The following ADAMTS18 variants were observed in gnomAD, a reference collection of about 807,000 sequenced individuals.
ADAMTS18 encodes ADAM metallopeptidase with thrombospondin type 1 motif 18.
In ADAMTS18, 157 loss-of-function variants were observed where a neutral mutation model predicts 165.9. The observed-to-expected ratio is 0.95, with a 90% CI of 0.83 to 1.08. The LOEUF is 1.08. ADAMTS18 is among the 50% of genes least tolerant of loss of function. The probability of loss-of-function intolerance (pLI) is 0.00; values close to 1 mark genes in which losing one functional copy is unlikely to be tolerated. For missense variants in ADAMTS18, 2,040 were observed against 1,534.0 expected (o/e 1.33, Z -5.51); for synonymous variants, 782 against 578.2 (o/e 1.35, Z -5.06).
intron 3 of ADAMTS18, among the ~76,000 whole-genome samples, chr16:77,412,222 C>T (rs1020309444): frequency 6.6e-6 from 1 of 152,192 alleles, no homozygotes; most frequent in East Asian, 1.9e-4. Flanking sequence ...CCTTCTAACT[C>T]AGACTGTAAC....
chr16:77,388,915 C>A lies in ADAMTS18; in HGVS notation c.496-21192G>T, dbSNP rs564579210. On this transcript the variant is annotated intron_variant, in intron 3 of 22. Coordinates refer to ENST00000282849, the MANE Select transcript of ADAMTS18 (RefSeq NM_199355.4). ...TAATGTCCAAATGGTACTTTTGTGTCAAGGTAGCAACTTCTAATGAAGCTG... is the reference window on the plus strand; with the variant it reads ...TAATGTCCAAATGGTACTTTTGTGTAAAGGTAGCAACTTCTAATGAAGCTG... 1.8e-4 allele frequency among the ~76,000 whole-genome samples: 27 copies of A among 152,236 alleles called. 1 individual carries two copies. The highest frequency in any genetic ancestry group is 1.7e-3 in the South Asian group (8 of 4,826).
intron 11 of ADAMTS18, among the ~76,000 whole-genome samples, chr16:77,339,625 C>T (rs539036848): frequency 6.6e-6 from 1 of 151,334 alleles, no homozygotes; most frequent in East Asian, 1.9e-4. Flanking sequence ...CACTAATCCT[C>T]AAGTCACAAG....
At chr16:77,318,641 G>A (rs77960876) in intron 16 of ADAMTS18, among the ~76,000 whole-genome samples, 13,371 of 152,238 alleles carry the variant, frequency 0.088, 796 homozygotes, top group East Asian at 0.27. Flanking sequence ...TATTTGAGAA[G>A]AGAACAGTAA....
intron 10 of ADAMTS18, among the ~76,000 whole-genome samples, chr16:77,348,438 G>T (rs1316298013): frequency 1.3e-5 from 2 of 152,180 alleles, no homozygotes; most frequent in African/African-American, 4.8e-5. Flanking sequence ...AACCTCCAGG[G>T]TGGCAGAAGA....
chr16:77,374,685 A>G (rs2056924164), intron 3 of ADAMTS18, among the ~76,000 whole-genome samples: 1 of 152,180 alleles, frequency 6.6e-6, no homozygotes, highest in African/African-American at 2.4e-5. Context: ...GAAGCTTTCT[A>G]TTTTCTCCCT....
chr16:77,416,915 G>A lies in ADAMTS18; in HGVS notation c.495+14380C>T, dbSNP rs555837982. Among the ~76,000 whole-genome samples the A allele has an allele frequency of 1.9e-4, 29 of 152,228 alleles. 1 individual carries two copies. The highest frequency in any genetic ancestry group is 8.3e-4 in the South Asian group (4 of 4,814). ...AGTGGTAAGAAGTGGTCAGAATTGC[G>A]CATGTTTTTAACTGACCTGGGAGCA... On this transcript the variant is annotated intron_variant, in intron 3 of 22. Transcript: ENST00000282849.
chr16:77,418,235 A>T (rs1459485596), intron 3 of ADAMTS18, among the ~76,000 whole-genome samples: 2 of 152,204 alleles, frequency 1.3e-5, no homozygotes, highest in Non-Finnish European at 2.9e-5. Context: ...TACCTCAAAC[A>T]TAGATTACCT....
chr16:77,427,365 A>G (rs1308905557), intron 3 of ADAMTS18, among the ~76,000 whole-genome samples: 3 of 152,258 alleles, frequency 2.0e-5, no homozygotes, highest in Non-Finnish European at 4.4e-5. Flanking sequence ...ATTAAGAAAT[A>G]CAGGTAAAAA....
chr16:77,427,200 G>A (rs1399984847), intron 3 of ADAMTS18, among the ~76,000 whole-genome samples: 1 of 152,090 alleles, frequency 6.6e-6, no homozygotes, highest in Non-Finnish European at 1.5e-5. Flanking sequence ...CACATTTTCA[G>A]CCCTTCAAGT....
At chr16:77,368,767 A>T (rs910282933) in intron 3 of ADAMTS18, among the ~76,000 whole-genome samples, 1 of 152,206 alleles carries the variant, frequency 6.6e-6, no homozygotes, top group African/African-American at 2.4e-5. Flanking sequence ...CAAGGATGGC[A>T]GAGAAAGGCA....
At chr16:77,345,186 C>T (rs1348453695) in intron 10 of ADAMTS18, among the ~76,000 whole-genome samples, 1 of 152,134 alleles carries the variant, frequency 6.6e-6, no homozygotes, top group African/African-American at 2.4e-5. Flanking sequence ...CAAGTAAAAC[C>T]TGACATGCTG....
At chr16:77,292,993 G>A (rs776192641) in intron 20 of ADAMTS18, 83 bp downstream of exon 20, 2 of 1,573,656 alleles carry the variant, frequency 1.3e-6, no homozygotes, top group Non-Finnish European at 1.7e-6. Context: ...CTAATTTTTT[G>A]TATTTTTAGT....
intron 10 of ADAMTS18, among the ~76,000 whole-genome samples, chr16:77,342,088 C>T (rs1431914837): frequency 6.6e-6 from 1 of 152,128 alleles, no homozygotes; most frequent in Non-Finnish European, 1.5e-5. Flanking sequence ...TCTGGTTTCT[C>T]ATGATAGTGA....
Position 77,359,405 on chromosome 16 carries a change from C to G in ADAMTS18, c.1235G>C (p.Gly412Ala), listed in dbSNP as rs1007242190. Residue 412 changes from glycine (G) to alanine (A), a missense_variant, in exon 8 of 23, where the codon GGA (glycine) becomes GCA (alanine). Coordinates refer to ENST00000282849, the MANE Select transcript of ADAMTS18 (RefSeq NM_199355.4). ...ACAACTTCGGTACTTAGAGCACATT[C>G]CACTGATGGGGGCAAACCCTATTGA... ...CDTLGFAPISGMCSKYRSCTI... is the reference protein window; with the variant it reads ...CDTLGFAPISAMCSKYRSCTI... 3.1e-6 allele frequency: 5 copies of G among 1,613,764 alleles called. No homozygotes were observed. The highest frequency in any genetic ancestry group is 4.2e-6 in the Non-Finnish European group (5 of 1,179,976).
intron 16 of ADAMTS18, among the ~76,000 whole-genome samples, chr16:77,303,478 T>C (rs945882179): frequency 6.6e-6 from 1 of 152,234 alleles, no homozygotes; most frequent in Non-Finnish European, 1.5e-5. Context: ...CATTTTAGAC[T>C]TCTCTTTTTC....
At chr16:77,384,107 G>T (rs1433139349) in intron 3 of ADAMTS18, among the ~76,000 whole-genome samples, 2 of 152,048 alleles carry the variant, frequency 1.3e-5, no homozygotes, top group Non-Finnish European at 1.5e-5. Context: ...CCATTGTTTG[G>T]CAGCTGGTAG....
chr16:77,340,699 A>C (rs1719898975), intron 11 of ADAMTS18, among the ~76,000 whole-genome samples: 1 of 150,410 alleles, frequency 6.6e-6, no homozygotes, highest in Admixed American at 6.6e-5. Context: ...TCCTCCTTCA[A>C]CCTCCCAAAG....
At chr16:77,296,271 A>T (rs1231467184) in intron 18 of ADAMTS18, among the ~76,000 whole-genome samples, 1 of 152,158 alleles carries the variant, frequency 6.6e-6, no homozygotes, top group Non-Finnish European at 1.5e-5. Context: ...GCTAAAGTCA[A>T]TCCAAGAACA....
rs2056816323 is a variant in ADAMTS18, at chr16:77,367,594, C to T, written c.625G>A (p.Glu209Lys). Residue 209 changes from glutamate to lysine, a missense_variant, in exon 4 of 23, where the codon GAG (glutamate) becomes AAG (lysine). Transcript: ENST00000282849. ...PHVLYKRTAE[E>K]KIQRYRGYPG... Reference sequence around the variant, plus strand: ...TAGCCACGGTACCGCTGGATCTTCTCCTCTGCTGTCCTTTTGTACAGTACG... The same window carrying T: ...TAGCCACGGTACCGCTGGATCTTCTTCTCTGCTGTCCTTTTGTACAGTACG... 1 of 1,614,204 alleles carries T rather than the reference C, an allele frequency of 6.2e-7. No individual in the cohort carries two copies. Among genetic ancestry groups the T allele is most frequent in the South Asian group, 1.1e-5 (1 of 91,084 alleles).
Sources: gnomAD v4.1 joint callset for allele counts (sites outside exome capture counted in the v4.1 genomes callset) on GRCh38, gnomAD v4.1.1 for gene constraint, MANE v1.5 for transcripts, NCBI Gene and HGNC (gene_info 2026-07-23, HGNC 2026-07-21) for gene names.